Variants in SYNRG observed in about 807,000 individuals in gnomAD.
SYNRG encodes the protein AP1 gamma subunit binding protein 1.
A neutral mutation model predicts 130.9 loss-of-function variants in SYNRG; 37 were observed. The ratio of observed to expected loss-of-function variants is 0.28; its 90% confidence interval spans 0.22 to 0.37. SYNRG has a LOEUF of 0.37. Ranked by LOEUF, SYNRG falls within the 10% of genes least tolerant of loss-of-function variation. The pLI is 1.00. For synonymous variants in SYNRG, 539 were observed against 568.1 expected (o/e 0.95, Z 0.73); for missense variants, 1,338 against 1,588.9 (o/e 0.84, Z 2.68).
chr17:37,556,468 T>C lies in SYNRG; in HGVS notation c.1664-2409A>G, dbSNP rs1402308866. Among the ~76,000 whole-genome samples, 3 of 147,252 alleles carry C rather than the reference T, an allele frequency of 2.0e-5. No individual in the cohort carries two copies. The East Asian group carries it at 5.9e-4, about 29-fold the overall frequency. ...CTCCGTATCAAAATAAATAAATAAA[T>C]AAAATAAAAATAAAAATAAATTTAA... On this transcript the variant is annotated intron_variant, in intron 13 of 21. Coordinates refer to ENST00000612223, the MANE Select transcript of SYNRG (RefSeq NM_007247.6).
chr17:37,553,445 C>T lies in SYNRG; in HGVS notation c.2278G>A (p.Val760Ile). ...GGAGTGTTATCTTTCAGGTCTTCAA[C>T]ACCTAGTCCAGACCCTTCCAGAGAA... Reference protein sequence around the residue: ...QLSLEGSGLGVEDLKDNTPSG... With the variant: ...QLSLEGSGLGIEDLKDNTPSG... The change falls in exon 14 of 22, where the codon GTT becomes ATT. Residue 760 changes from valine (V) to isoleucine (I), a missense_variant. This residue lies in a region of SYNRG where 1,146 missense variants were observed against 1,342.3 expected (regional missense o/e 0.85). Transcript: ENST00000612223. The T allele has an allele frequency of 6.2e-7, 1 of 1,614,202 alleles. No individual in the cohort carries two copies. Among genetic ancestry groups the T allele is most frequent in the Non-Finnish European group, 8.5e-7 (1 of 1,180,042 alleles).
In SYNRG at chr17:37,571,904, C is replaced by G. The variant is rs2060462421; in HGVS notation, c.985G>C (p.Gly329Arg). The change falls in exon 9 of 22, where the codon GGG (glycine) becomes CGG (arginine). Residue 329 changes from glycine to arginine, a missense_variant. Gly to Arg is a moderately radical substitution (Grantham distance 125). Around this residue, in one of 3 missense-constraint regions of SYNRG, gnomAD observed 1,146 missense variants for 1,342.3 expected, o/e 0.85. Coordinates refer to ENST00000612223, the MANE Select transcript of SYNRG (RefSeq NM_007247.6). Reference protein sequence around the residue: ...AKLYPILMSSGLPRETLGQIW... With the variant: ...AKLYPILMSSRLPRETLGQIW... Reference sequence around the variant, plus strand: ...TGTCCAAGAGTTTCCCTGGGAAGCCCAGATGACATCAGAATGGGATACAGT... The same window carrying G: ...TGTCCAAGAGTTTCCCTGGGAAGCCGAGATGACATCAGAATGGGATACAGT... The G allele has an allele frequency of 6.2e-7, 1 of 1,614,010 alleles. No homozygotes were observed. The highest frequency in any genetic ancestry group is 1.3e-5 in the African/African-American group (1 of 74,892).
chr17:37,536,169 G>A, intron 18 of SYNRG, 42 bp from the exon 19 acceptor site: 3 of 1,566,818 alleles, frequency 1.9e-6, no homozygotes, highest in Non-Finnish European at 2.6e-6. Context: ...TGGCAGTGGA[G>A]ACACAGAGGA....
At chr17:37,544,023 C>G (rs1332794487) in intron 14 of SYNRG, among the ~76,000 whole-genome samples, 1 of 152,236 alleles carries the variant, frequency 6.6e-6, no homozygotes, top group Non-Finnish European at 1.5e-5. Context: ...TCATTCTTCT[C>G]TTTCATTCAC....
Position 37,576,422 on chromosome 17 carries a change from G to A in SYNRG, c.824-4C>T. On this transcript the variant is annotated splice_region_variant and splice_polypyrimidine_tract_variant and intron_variant, in intron 7 of 21. Coordinates refer to ENST00000612223, the MANE Select transcript of SYNRG (RefSeq NM_007247.6). Reference sequence around the variant, plus strand: ...TGTGAGGGAAATACTCCCACACCTAGAAGGTAAGAAACATTAATGTATATA... The same window carrying A: ...TGTGAGGGAAATACTCCCACACCTAAAAGGTAAGAAACATTAATGTATATA... The A allele has an allele frequency of 6.2e-7, 1 of 1,613,222 alleles. No homozygotes were observed. The highest frequency in any genetic ancestry group is 8.5e-7 in the Non-Finnish European group (1 of 1,179,372).
rs142881544 is a variant in SYNRG, at chr17:37,553,565, T to A, written c.2158A>T (p.Ser720Cys). ...ACGTTGCTGGTTAGAGGAACAGGAC[T>A]GGCTTCCTCTTTAAGGGCATCATAT... ...DKYDALKEEA[S>C]PVPLTSNVGS... The change falls in exon 14 of 22, where the codon AGT becomes TGT. Residue 720 changes from serine to cysteine, a missense_variant. By Grantham distance (112) the Ser-to-Cys change is moderately radical (BLOSUM62 -1). Transcript: ENST00000612223. 174 of 1,614,234 alleles carry A rather than the reference T, an allele frequency of 1.1e-4. 1 individual carries two copies. The East Asian group carries it at 3.7e-3, about 35-fold the overall frequency.
chr17:37,583,299 C>G (rs867000491), intron 6 of SYNRG, among the ~76,000 whole-genome samples: 48 of 152,250 alleles, frequency 3.2e-4, no homozygotes, highest in African/African-American at 1.2e-3. Context: ...TCCTAAATTA[C>G]TTCTTGACTA....
intron 19 of SYNRG, among the ~76,000 whole-genome samples, chr17:37,527,655 T>A (rs1208138055): frequency 6.6e-6 from 1 of 152,182 alleles, no homozygotes; most frequent in African/African-American, 2.4e-5. Flanking sequence ...TTACGCAGCA[T>A]TTACATTGTA....
chr17:37,603,653 G>T (rs1382018342), intron 1 of SYNRG, among the ~76,000 whole-genome samples: 1 of 152,172 alleles, frequency 6.6e-6, no homozygotes. Flanking sequence ...GTTTTCAAAA[G>T]AAACTTTTTT....
chr17:37,569,511 C>T (rs557797304), intron 10 of SYNRG, among the ~76,000 whole-genome samples: 126 of 150,588 alleles, frequency 8.4e-4, no homozygotes, highest in African/African-American at 3.0e-3. Context: ...TATATCTAGC[C>T]GGGTGTGGTG....
chr17:37,546,133 TATTA>T (rs2058255177), intron 14 of SYNRG, among the ~76,000 whole-genome samples: 1 of 152,202 alleles, frequency 6.6e-6, no homozygotes, highest in Admixed American at 6.5e-5. Context: ...GTCTTAAAAA[TATTA>T]AAGATTATGT....
chr17:37,595,909 C>G (rs2062726954), intron 3 of SYNRG, among the ~76,000 whole-genome samples: 1 of 152,058 alleles, frequency 6.6e-6, no homozygotes, highest in Non-Finnish European at 1.5e-5. Flanking sequence ...CACATGCCAC[C>G]ACGCCCAGGT....
In SYNRG at chr17:37,609,303, C is replaced by T; in HGVS notation, c.53G>A (p.Gly18Asp). Residue 18 changes from glycine to aspartate, a missense_variant, in exon 1 of 22, where the codon GGC becomes GAC. Around this residue, in one of 3 missense-constraint regions of SYNRG, gnomAD observed 184 missense variants for 217.2 expected, o/e 0.85. Transcript: ENST00000612223. Reference protein sequence around the residue: ...GSGGGGAAGAGAGSAGGGGFM... With the variant: ...GSGGGGAAGADAGSAGGGGFM... ...CCCGCCTCCCCCGGCGGACCCCGCGCCAGCTCCCGCGGCCCCGCCGCCACC... is the reference window on the plus strand; with the variant it reads ...CCCGCCTCCCCCGGCGGACCCCGCGTCAGCTCCCGCGGCCCCGCCGCCACC... 5 of 1,463,090 alleles carry T rather than the reference C, an allele frequency of 3.4e-6. No individual in the cohort carries two copies. Among genetic ancestry groups the T allele is most frequent in the Non-Finnish European group, 4.5e-6 (5 of 1,113,218 alleles). The allele number at this position is 1,463,090 out of a possible 1,614,324, so 90.6% of individuals were successfully genotyped here.
At chr17:37,595,331 C>T (rs1268297214) in intron 3 of SYNRG, among the ~76,000 whole-genome samples, 1 of 152,158 alleles carries the variant, frequency 6.6e-6, no homozygotes, top group Non-Finnish European at 1.5e-5. Context: ...AAAGTATATA[C>T]TGTATAACAA....
intron 11 of SYNRG, among the ~76,000 whole-genome samples, chr17:37,563,842 G>A (rs905013720): frequency 6.7e-6 from 1 of 150,182 alleles, no homozygotes; most frequent in Non-Finnish European, 1.5e-5. Flanking sequence ...AGCCTTCCCC[G>A]CCAGCTTTTT....
chr17:37,581,913 C>A (rs779404541), intron 6 of SYNRG, among the ~76,000 whole-genome samples: 3 of 151,850 alleles, frequency 2.0e-5, no homozygotes, highest in Non-Finnish European at 4.4e-5. Context: ...TACAGGCATG[C>A]GCCACCACAC....
At position 37,584,766 on chromosome 17, in the gene SYNRG, G is replaced by C. The variant is rs2061573074; in HGVS notation, c.478-7C>G. The C allele has an allele frequency of 1.3e-6, 2 of 1,599,266 alleles. No individual in the cohort carries two copies. Among genetic ancestry groups the C allele is most frequent in the Admixed American group, 1.7e-5 (1 of 59,892 alleles). ...CTCTACTCTTCTCTCCTGTCTAAGAGACAACAAATATATGCGTATTTCTTT... is the reference window on the plus strand; with the variant it reads ...CTCTACTCTTCTCTCCTGTCTAAGACACAACAAATATATGCGTATTTCTTT... On this transcript the variant is annotated splice_region_variant and splice_polypyrimidine_tract_variant and intron_variant, in intron 5 of 21. Transcript: ENST00000612223.
intron 17 of SYNRG, among the ~76,000 whole-genome samples, chr17:37,538,707 G>T (rs1459084280): frequency 6.6e-6 from 1 of 152,202 alleles, no homozygotes; most frequent in East Asian, 1.9e-4. Context: ...TGATTCTCCT[G>T]CCTCAGTTTC....
In SYNRG at chr17:37,518,400, C is replaced by T. The variant is rs748850572; in HGVS notation, c.*540G>A. The stretch of plus-strand genomic sequence containing the variant: ...ACCAAGTGGGTAAAATCTGCCCTCA[C>T]CTGCCTGCTACTGTCCAGGGGAGAT... On this transcript the variant is annotated 3_prime_UTR_variant, in exon 22 of 22. Transcript: ENST00000612223. The T allele has an allele frequency of 6.6e-6, 1 of 152,336 alleles. No individual in the cohort carries two copies. The highest frequency in any genetic ancestry group is 1.5e-5 in the Non-Finnish European group (1 of 68,144). The allele number at this position is 152,336 out of a possible 1,614,324, so 9.4% of individuals were successfully genotyped here. A position where few individuals can be genotyped will look rare whatever the true frequency, so the allele number is the denominator to read the frequency against.
Sources: allele counts gnomAD v4.1 joint callset (sites outside exome capture counted in the v4.1 genomes callset), GRCh38; gene constraint gnomAD v4.1.1; regional missense constraint gnomAD v4.1.1; transcripts MANE v1.5; gene names NCBI Gene and HGNC (gene_info 2026-07-23, HGNC 2026-07-21).